Variants in MARCHF10 observed in about 807,000 individuals in gnomAD.
MARCHF10 encodes the protein membrane associated ring-CH-type finger 10.
MARCHF10 carries 64 observed loss-of-function variants against 76.2 expected under a neutral mutation model. The ratio of observed to expected loss-of-function variants is 0.84; its 90% confidence interval spans 0.69 to 1.03. The LOEUF is 1.03. Among genes scored for constraint, MARCHF10 ranks in the 50% least tolerant of loss-of-function variants. The pLI, the probability that MARCHF10 is intolerant of heterozygous loss-of-function variation, is 0.00. For synonymous variants in MARCHF10, 340 were observed against 357.5 expected (o/e 0.95, Z 0.55); for missense variants, 875 against 958.0 (o/e 0.91, Z 1.14).
intron 1 of MARCHF10, 51 bp downstream of exon 1, chr17:62,808,026 C>G (rs2093188081): frequency 6.6e-6 from 1 of 152,264 alleles, no homozygotes; most frequent in Non-Finnish European, 1.5e-5. Context: ...GAAGGTTGTC[C>G]CCCATCCTGG....
intron 3 of MARCHF10, among the ~76,000 whole-genome samples, chr17:62,782,800 G>GGATT (rs2092682353): frequency 6.6e-6 from 1 of 152,102 alleles, no homozygotes; most frequent in Admixed American, 6.6e-5. Context: ...AAAACCCAAA[G>GGATT]GATTGAGCCA....
At chr17:62,756,619 C>G (rs890827163) in intron 4 of MARCHF10, among the ~76,000 whole-genome samples, 1 of 152,148 alleles carries the variant, frequency 6.6e-6, no homozygotes, top group Non-Finnish European at 1.5e-5. Context: ...ATTGAGTTGC[C>G]ACAGCGGCAG....
intron 4 of MARCHF10, among the ~76,000 whole-genome samples, chr17:62,753,471 G>C (rs758101312): frequency 6.6e-6 from 1 of 152,162 alleles, no homozygotes; most frequent in Non-Finnish European, 1.5e-5. Flanking sequence ...TTCAATGCAG[G>C]TTCTGAGCCA....
At chr17:62,710,550 CTTTTTTTT>C (rs552647502) in intron 9 of MARCHF10, among the ~76,000 whole-genome samples, 3 of 88,620 alleles carry the variant, frequency 3.4e-5, no homozygotes, top group Non-Finnish European at 6.2e-5. Flanking sequence ...TTGAACCCAG[CTTTTTTTT>C]TTTTTTTTTT....
At chr17:62,805,200 A>G (rs1014713259) in intron 1 of MARCHF10, among the ~76,000 whole-genome samples, 1 of 152,220 alleles carries the variant, frequency 6.6e-6, no homozygotes, top group Non-Finnish European at 1.5e-5. Context: ...TAAGCATTTT[A>G]ATAATCACTT....
intron 5 of MARCHF10, 159 bp from the exon 6 acceptor site, chr17:62,737,491 C>A (rs2091326441): frequency 3.0e-6 from 2 of 676,026 alleles, no homozygotes; most frequent in Non-Finnish European, 5.0e-6. Flanking sequence ...AGGAGCAGAG[C>A]CCAGCAGGCT....
intron 3 of MARCHF10, among the ~76,000 whole-genome samples, chr17:62,765,351 CAAAAAAAAAAA>C (rs57082084): frequency 1.4e-5 from 1 of 73,618 alleles, no homozygotes; most frequent in African/African-American, 5.9e-5. Context: ...GACTCTGTCT[CAAAAAAAAAAA>C]AAAAAAAAAA....
At chr17:62,731,621 C>T (rs2091027071) in intron 6 of MARCHF10, among the ~76,000 whole-genome samples, 3 of 152,030 alleles carry the variant, frequency 2.0e-5, no homozygotes, top group Admixed American at 1.3e-4. Context: ...CTGGAAAGGG[C>T]GTGGAGAAAG....
intron 4 of MARCHF10, among the ~76,000 whole-genome samples, chr17:62,751,263 C>T (rs367637453): frequency 3.3e-4 from 51 of 152,248 alleles, no homozygotes; most frequent in African/African-American, 1.1e-3. Flanking sequence ...CACCTTGAAT[C>T]GACGGCTTAC....
intron 3 of MARCHF10, among the ~76,000 whole-genome samples, chr17:62,765,577 C>A (rs76604699): frequency 6.6e-6 from 1 of 152,020 alleles, no homozygotes; most frequent in Non-Finnish European, 1.5e-5. Flanking sequence ...TCCATCACTA[C>A]GGGGGTGCCC....
At position 62,711,931 on chromosome 17, in the gene MARCHF10, G is replaced by A. The variant is rs2089954206; in HGVS notation, c.2215-587C>T. On this transcript the variant is annotated intron_variant, in intron 8 of 10. Coordinates refer to ENST00000311269, the MANE Select transcript of MARCHF10 (RefSeq NM_152598.4). The surrounding 1 kb of genome is among the most constrained non-coding windows in gnomAD (Gnocchi z 4.4). Reference sequence around the variant, plus strand: ...CATATCACCTTTTGCACTTGTTAACGTTTCCGCTTTCTCTTGAGGAGTGGG... The same window carrying A: ...CATATCACCTTTTGCACTTGTTAACATTTCCGCTTTCTCTTGAGGAGTGGG... Among the ~76,000 whole-genome samples the A allele has an allele frequency of 1.3e-5, 2 of 152,110 alleles. No individual in the cohort carries two copies. The highest frequency in any genetic ancestry group is 4.1e-4 in the South Asian group (2 of 4,828).
At position 62,724,975 on chromosome 17, in the gene MARCHF10, C is replaced by T. The variant is rs753678014; in HGVS notation, c.2067G>A (p.Glu689=). The T allele has an allele frequency of 2.2e-5, 36 of 1,612,208 alleles. No individual in the cohort carries two copies. Among genetic ancestry groups the T allele is most frequent in the Non-Finnish European group, 2.5e-5 (30 of 1,179,396 alleles). The change falls in exon 7 of 11, where the codon GAG becomes GAA. Residue 689 remains glutamate, a synonymous_variant. Coordinates refer to ENST00000311269, the MANE Select transcript of MARCHF10 (RefSeq NM_152598.4). ...TCACTTTCAGCCACTTTTTCAGGCA[C>T]TCTTGATGAACAAACTGCAGGCTTC... ...CVGSLQFVHQ[E]CLKKWLKVKI...
chr17:62,742,309 C>T (rs542838403), intron 5 of MARCHF10, among the ~76,000 whole-genome samples: 88 of 152,168 alleles, frequency 5.8e-4, no homozygotes, highest in Non-Finnish European at 1.1e-3. Flanking sequence ...CATGAGCCAC[C>T]ATGCCCAGCC....
rs67106553 is a variant in MARCHF10, at chr17:62,767,450, C to CCTTTTTTTTTTTTTTTTTTTTTTTTTTT, written c.211-7445_211-7444insAAAAAAAAAAAAAAAAAAAAAAAAAAAG. Among the ~76,000 whole-genome samples, 4 of 134,790 alleles carry CCTTTTTTTTTTTTTTTTTTTTTTTTTTT rather than the reference C, an allele frequency of 3.0e-5. 2 individuals carry two copies. Among genetic ancestry groups the CCTTTTTTTTTTTTTTTTTTTTTTTTTTT allele is most frequent in the Non-Finnish European group, 3.1e-5 (2 of 64,278 alleles). 88.4% of individuals were successfully genotyped at this position (134,790 alleles called of 152,430 possible). A position where few individuals can be genotyped will look rare whatever the true frequency, so the allele number is the denominator to read the frequency against. On this transcript the variant is annotated intron_variant, in intron 3 of 10. Coordinates refer to ENST00000311269, the MANE Select transcript of MARCHF10 (RefSeq NM_152598.4). The stretch of plus-strand genomic sequence containing the variant: ...AGCTTTGAATTGGTGGGTCTGTATT[C>CCTTTTTTTTTTTTTTTTTTTTTTTTTTT]TTTTTTTTTTTTTTTTTTGAGATGG...
At chr17:62,761,459 T>C (rs372027313) in intron 3 of MARCHF10, among the ~76,000 whole-genome samples, 470 of 152,288 alleles carry the variant, frequency 3.1e-3, no homozygotes, top group African/African-American at 0.011. Flanking sequence ...TTCACTCTTA[T>C]TGCCCAGGCT....
chr17:62,762,879 A>G (rs2092244473), intron 3 of MARCHF10, among the ~76,000 whole-genome samples: 1 of 152,182 alleles, frequency 6.6e-6, no homozygotes, highest in Non-Finnish European at 1.5e-5. Flanking sequence ...CGTATCACGC[A>G]GGGAGGATCG....
intron 2 of MARCHF10, among the ~76,000 whole-genome samples, chr17:62,792,813 A>ACTG (rs2092882652): frequency 8.2e-6 from 1 of 122,560 alleles, no homozygotes; most frequent in Non-Finnish European, 1.6e-5. Flanking sequence ...CTCCATCACC[A>ACTG]CCACCACCAC....
chr17:62,722,288 A>AG (rs1174912922), intron 8 of MARCHF10, among the ~76,000 whole-genome samples, 200 bp downstream of exon 8: 2 of 151,942 alleles, frequency 1.3e-5, no homozygotes, highest in East Asian at 3.9e-4. Flanking sequence ...AAAAAAAAAA[A>AG]AAAAAAAAAA....
At chr17:62,722,946 A>G (rs960853311) in intron 7 of MARCHF10, among the ~76,000 whole-genome samples, 6 of 151,242 alleles carry the variant, frequency 4.0e-5, no homozygotes, top group African/African-American at 1.2e-4. Flanking sequence ...AAGAGTGACT[A>G]TTCAGCTTTT....
Sources: allele counts gnomAD v4.1 joint callset (sites outside exome capture counted in the v4.1 genomes callset), GRCh38; gene constraint gnomAD v4.1.1; non-coding constraint Gnocchi (gnomAD v3.1); transcripts MANE v1.5; gene names NCBI Gene and HGNC (gene_info 2026-07-23, HGNC 2026-07-21).